GPS1: variants seen among roughly 807,000 people sequenced by gnomAD.
GPS1 encodes G protein pathway suppressor 1.
Under a neutral mutation model 60.0 loss-of-function variants are expected in GPS1, and 11 were observed. The ratio of observed to expected loss-of-function variants is 0.18; its 90% CI spans 0.12 to 0.30. GPS1 has a LOEUF of 0.30. Ranked by LOEUF, GPS1 falls within the 10% of genes least tolerant of loss-of-function variation. The pLI is 1.00. For synonymous variants in GPS1, 343 were observed against 269.8 expected (o/e 1.27, Z -2.66); for missense variants, 543 against 669.2 (o/e 0.81, Z 2.08).
At chr17:82,055,087 C>G (rs1336880741) in intron 5 of GPS1, 75 bp from the exon 6 acceptor site, 1 of 1,572,512 alleles carries the variant, frequency 6.4e-7, no homozygotes, top group South Asian at 1.1e-5. Context: ...TTCATCCCCT[C>G]TCAGTCTGGG....
Position 82,057,331 on chromosome 17 carries a change from G to C in GPS1, c.*204G>C, listed in dbSNP as rs774041060. Reference sequence around the variant, plus strand: ...CTGGAAGGAGAGGCCTGCAGGGCTCGACCCTGTGGGTTTCTGTCCCCAGGG... The same window carrying C: ...CTGGAAGGAGAGGCCTGCAGGGCTCCACCCTGTGGGTTTCTGTCCCCAGGG... On this transcript the variant is annotated 3_prime_UTR_variant, in exon 13 of 13. Coordinates refer to ENST00000578552, the MANE Select transcript of GPS1 (RefSeq NM_001321092.3). The C allele has an allele frequency of 2.3e-5, 17 of 745,194 alleles. No homozygotes were observed. In the Admixed American group the frequency reaches 3.4e-4, roughly 15 times the overall value. The allele number at this position is 745,194 out of a possible 1,614,324, so 46.2% of individuals were successfully genotyped here.
At chr17:82,051,553 C>T (rs1393851694), upstream of GPS1, 8 of 1,392,384 alleles carry the variant, frequency 5.7e-6, no homozygotes, top group African/African-American at 1.5e-5. This position sits in a 1 kb window ranked among gnomAD's most constrained non-coding sequence, Gnocchi z 4.1. Flanking sequence ...AGGCGCGGCC[C>T]GTGGTTCTTC....
chr17:82,051,793 G>C, upstream of GPS1: 2 of 1,124,422 alleles, frequency 1.8e-6, no homozygotes, highest in South Asian at 8.6e-5. This position sits in a 1 kb window ranked among gnomAD's most constrained non-coding sequence, Gnocchi z 4.1. Flanking sequence ...CCGGCGCTGC[G>C]AGCGGAGAAC....
At chr17:82,052,151 G>C (rs1378441433) in intron 1 of GPS1, 187 bp downstream of exon 1, 3 of 1,081,104 alleles carry the variant, frequency 2.8e-6, no homozygotes, top group African/African-American at 3.4e-5. Flanking sequence ...GTGGCTGCGC[G>C]CTGCGATCGG....
chr17:82,053,449 C>G lies in GPS1; in HGVS notation c.126+83C>G, dbSNP rs1259612635. 5 of 993,544 alleles carry G rather than the reference C, an allele frequency of 5.0e-6. No individual in the cohort carries two copies. The Admixed American group carries it at 1.1e-4, about 23-fold the overall frequency. 61.5% of individuals were successfully genotyped at this position (993,544 alleles called of 1,614,324 possible). A position where few individuals can be genotyped will look rare whatever the true frequency, so the allele number is the denominator to read the frequency against. On this transcript the variant is annotated intron_variant, in intron 2 of 12. Coordinates refer to ENST00000578552, the MANE Select transcript of GPS1 (RefSeq NM_001321092.3). ...ACACTCCCCGCTGCAGCCTGCACAG[C>G]AGGTAGAATGATCCTCCTCAGTGAT...
Position 82,055,988 on chromosome 17 carries a change from C to T in GPS1, c.835-13C>T. 1 of 1,596,382 alleles carries T rather than the reference C, an allele frequency of 6.3e-7. No homozygotes were observed. The highest frequency in any genetic ancestry group is 8.6e-7 in the Non-Finnish European group (1 of 1,165,300). ...CCCTTCACTGCCTGTGACGCCAGGT[C>T]TCTGCTCCTCAGCTGCTGTCCCCCA... is the stretch of plus-strand genomic sequence containing the variant. On this transcript the variant is annotated splice_polypyrimidine_tract_variant and intron_variant, in intron 7 of 12. Coordinates refer to ENST00000578552, the MANE Select transcript of GPS1 (RefSeq NM_001321092.3).
At chr17:82,052,673 G>A in intron 1 of GPS1, 2 of 593,300 alleles carry the variant, frequency 3.4e-6, no homozygotes, top group Admixed American at 3.0e-5. Context: ...CACGGGTCCG[G>A]CGAGTGCCCG....
chr17:82,053,798 T>C, intron 2 of GPS1, 70 bp from the exon 3 acceptor site: 1 of 1,485,230 alleles, frequency 6.7e-7, no homozygotes, highest in Admixed American at 1.9e-5. Flanking sequence ...CCCCAACTCC[T>C]GACCCTCAGG....
Position 82,053,772 on chromosome 17 carries a change from G to A in GPS1, c.127-96G>A. 3 of 1,257,520 alleles carry A rather than the reference G, an allele frequency of 2.4e-6. No individual in the cohort carries two copies. In the East Asian group the frequency reaches 7.3e-5, roughly 30 times the overall value. The allele number at this position is 1,257,520 out of a possible 1,614,324, so 77.9% of individuals were successfully genotyped here. On this transcript the variant is annotated intron_variant, in intron 2 of 12. Coordinates refer to ENST00000578552, the MANE Select transcript of GPS1 (RefSeq NM_001321092.3). ...GGTTATGGGCCCAGGGCGACATTCTGGCTAGGACAGTCAGGCCCCAACTCC... is the reference window on the plus strand; with the variant it reads ...GGTTATGGGCCCAGGGCGACATTCTAGCTAGGACAGTCAGGCCCCAACTCC...
intron 6 of GPS1, chr17:82,055,537 G>A (rs1190646848): frequency 9.9e-6 from 6 of 607,446 alleles, no homozygotes; most frequent in East Asian, 5.5e-5. Flanking sequence ...TGGCTTCAGG[G>A]AGCCTCCTCA....
chr17:82,051,306 C>G (rs1001889356), upstream of GPS1: 10 of 1,422,828 alleles, frequency 7.0e-6, no homozygotes, highest in Non-Finnish European at 9.2e-6. This position sits in a 1 kb window ranked among gnomAD's most constrained non-coding sequence, Gnocchi z 4.1. Flanking sequence ...CCCTGGAGCT[C>G]GAGCTCAGGG....
At position 82,053,919 on chromosome 17, in the gene GPS1, C is replaced by T. The variant is rs185485592; in HGVS notation, c.178C>T (p.Leu60=). 3.2e-5 allele frequency: 51 copies of T among 1,612,894 alleles called. No homozygotes were observed. The East Asian group carries it at 1.1e-3, about 35-fold the overall frequency. The stretch of plus-strand genomic sequence containing the variant: ...CAGCGGCCTGATGCGCATCGAACGG[C>T]TGCAGTTCATTGCTGATCACTGCCC... ...SYSGLMRIER[L]QFIADHCPTL... The change falls in exon 3 of 13, where the codon CTG becomes TTG. Residue 60 remains leucine, a synonymous_variant. Coordinates refer to ENST00000578552, the MANE Select transcript of GPS1 (RefSeq NM_001321092.3).
rs4969484 is a variant in GPS1 at position 82,056,985 on chromosome 17, T to G, written c.1389+11T>G. 1,033,783 of 1,612,504 alleles carry G rather than the reference T, an allele frequency of 0.64. 336,735 individuals carry two copies. Among genetic ancestry groups the G allele is most frequent in the African/African-American group, 0.8 (60,253 of 75,004 alleles). ...CAGATCCATGTCAAGGTGGGCTGGC[T>G]TGAGGGGGGGCAGGCGCACGGCGTG... is the stretch of plus-strand genomic sequence containing the variant. On this transcript the variant is annotated intron_variant, in intron 12 of 12. Coordinates refer to ENST00000578552, the MANE Select transcript of GPS1 (RefSeq NM_001321092.3).
chr17:82,054,703 T>C lies in GPS1; in HGVS notation c.502T>C (p.Tyr168His), dbSNP rs746744726. The C allele has an allele frequency of 1.9e-6, 3 of 1,612,104 alleles. No individual in the cohort carries two copies. The highest frequency in any genetic ancestry group is 1.7e-5 in the Admixed American group (1 of 59,990). ...CGGCCACGACGACCTGGGCGACCAC[T>C]ACCTGGACTGTGGGGACCTCAGCAA... ...RRGHDDLGDH[Y>H]LDCGDLSNAL... Residue 168 changes from tyrosine to histidine, a missense_variant, in exon 4 of 13, where the codon TAC (tyrosine) becomes CAC (histidine). Around this residue, in one of 3 missense-constraint regions of GPS1, gnomAD observed 71 missense variants for 126.7 expected, o/e 0.56. Transcript: ENST00000578552.
chr17:82,053,766 C>T (rs955112660), intron 2 of GPS1, 102 bp from the exon 3 acceptor site: 3 of 1,196,394 alleles, frequency 2.5e-6, no homozygotes, highest in East Asian at 2.5e-5. Flanking sequence ...CCCAGGGCGA[C>T]ATTCTGGCTA....
chr17:82,053,875 A>G lies in GPS1; in HGVS notation c.134A>G (p.Glu45Gly). Reference sequence around the variant, plus strand: ...GTCTGTGCCTGCTCCCAGGATCTGGAACAGTACGCGGCCAGCTACAGCGGC... The same window carrying G: ...GTCTGTGCCTGCTCCCAGGATCTGGGACAGTACGCGGCCAGCTACAGCGGC... ...YVVENPSLDLEQYAASYSGLM... is the reference protein window; with the variant it reads ...YVVENPSLDLGQYAASYSGLM... Residue 45 changes from glutamate (E) to glycine (G), a missense_variant, in exon 3 of 13, where the codon GAA (glutamate) becomes GGA (glycine). Physicochemically the swap from Glu to Gly is moderately conservative, Grantham distance 98. This residue lies in a region of GPS1 where 181 missense variants were observed against 188.8 expected (regional missense o/e 0.96). Transcript: ENST00000578552. 6.2e-7 allele frequency: 1 copy of G among 1,608,868 alleles called. No homozygotes were observed. Among genetic ancestry groups the G allele is most frequent in the Non-Finnish European group, 8.5e-7 (1 of 1,178,430 alleles).
chr17:82,052,155 C>T, intron 1 of GPS1, 191 bp downstream of exon 1: 3 of 1,101,930 alleles, frequency 2.7e-6, no homozygotes, highest in Non-Finnish European at 2.4e-6. Context: ...CTGCGCGCTG[C>T]GATCGGGGGC....
chr17:82,051,062 A>G, upstream of GPS1: 5 of 1,377,524 alleles, frequency 3.6e-6, no homozygotes, highest in Non-Finnish European at 4.7e-6. This position sits in a 1 kb window ranked among gnomAD's most constrained non-coding sequence, Gnocchi z 4.1. Context: ...GGGACGTGGC[A>G]CTAGCCCCAC....
chr17:82,053,739 C>G, intron 2 of GPS1, 129 bp from the exon 3 acceptor site: 1 of 905,770 alleles, frequency 1.1e-6, no homozygotes, highest in East Asian at 2.7e-5. Flanking sequence ...ACCCCCATGC[C>G]CGGTTCTGGT....
Sources: gnomAD v4.1 joint callset for allele counts on GRCh38, gnomAD v4.1.1 for gene constraint, gnomAD v4.1.1 regional missense constraint, Gnocchi (gnomAD v3.1) non-coding constraint, MANE v1.5 for transcripts, NCBI Gene and HGNC (gene_info 2026-07-23, HGNC 2026-07-21) for gene names.